TNC: variants seen among roughly 807,000 people sequenced by gnomAD.
TNC encodes tenascin C.
Under a neutral mutation model 202.4 loss-of-function variants are expected in TNC, and 109 were observed. The ratio of observed to expected loss-of-function variants is 0.54; its 90% CI spans 0.46 to 0.63. The LOEUF (loss-of-function observed/expected upper bound fraction) is 0.63. Among genes scored for constraint, TNC ranks in the 30% least tolerant of loss-of-function variants. The pLI is 0.00. For synonymous variants in TNC, 1,007 were observed against 1,089.7 expected (o/e 0.92, Z 1.50); for missense variants, 2,756 against 2,833.3 (o/e 0.97, Z 0.62).
At chr9:115,077,811 T>G (rs546053977) in intron 7 of TNC, 132 bp downstream of exon 7, 8 of 933,982 alleles carry the variant, frequency 8.6e-6, no homozygotes, top group African/African-American at 1.7e-5. Context: ...ATTTTAAAAT[T>G]TACAGGAGTA....
At chr9:115,082,051 C>T in intron 5 of TNC, 123 bp from the exon 6 acceptor site, 1 of 892,404 alleles carries the variant, frequency 1.1e-6, no homozygotes, top group Non-Finnish European at 1.7e-6. Context: ...TAGGCACTTA[C>T]TATGCATCAG....
intron 26 of TNC, among the ~76,000 whole-genome samples, chr9:115,025,025 A>G (rs1255537392): frequency 6.6e-6 from 1 of 152,206 alleles, no homozygotes; most frequent in Non-Finnish European, 1.5e-5. Context: ...GCACGTAGAT[A>G]TTAATGAAAC....
intron 26 of TNC, among the ~76,000 whole-genome samples, chr9:115,025,995 C>CAGCT (rs1829448570): frequency 6.6e-6 from 1 of 152,156 alleles, no homozygotes; most frequent in Non-Finnish European, 1.5e-5. Context: ...GAGATTCAAG[C>CAGCT]AGCTAGGTGA....
intron 10 of TNC, among the ~76,000 whole-genome samples, chr9:115,072,966 TG>T (rs1833570998): frequency 6.6e-6 from 1 of 152,162 alleles, no homozygotes; most frequent in Non-Finnish European, 1.5e-5. Flanking sequence ...ACAGGTTGCA[TG>T]GGCCAGAATG....
chr9:115,038,915 C>T (rs1245211470), intron 19 of TNC, among the ~76,000 whole-genome samples: 1 of 152,086 alleles, frequency 6.6e-6, no homozygotes, highest in East Asian at 1.9e-4. Flanking sequence ...GCAACCTCTG[C>T]CTCCCGGGTT....
chr9:115,041,441 G>A (rs10759752), intron 18 of TNC, among the ~76,000 whole-genome samples: 85,211 of 151,980 alleles, frequency 0.56, 24,396 homozygotes, highest in African/African-American at 0.61. Context: ...TGTAATGTAT[G>A]TCAGATCTAT....
Position 115,091,054 on chromosome 9 carries a change from C to A in TNC, c.-36G>T. ...GGTTTGGCTGGGTGCTGCTGGGGCT[C>A]TAGGGCTCTAGGGTATCTCACTTTC... On this transcript the variant is annotated 5_prime_UTR_variant, in exon 2 of 28. Coordinates refer to ENST00000350763, the MANE Select transcript of TNC (RefSeq NM_002160.4). 2 of 1,540,452 alleles carry A rather than the reference C, an allele frequency of 1.3e-6. No homozygotes were observed. Among genetic ancestry groups the A allele is most frequent in the Non-Finnish European group, 1.8e-6 (2 of 1,128,262 alleles).
intron 1 of TNC, among the ~76,000 whole-genome samples, chr9:115,105,511 C>T (rs1226871155): frequency 6.6e-6 from 1 of 152,128 alleles, no homozygotes; most frequent in Non-Finnish European, 1.5e-5. Context: ...AAATTTAAAT[C>T]AGGTGAACTG....
chr9:115,085,660 G>T (rs925438474), intron 3 of TNC, among the ~76,000 whole-genome samples: 2 of 152,168 alleles, frequency 1.3e-5, no homozygotes, highest in Admixed American at 6.5e-5. Flanking sequence ...GAGCCCTTCA[G>T]CCCTTAAATA....
chr9:115,044,068 A>G (rs756171351), intron 17 of TNC, among the ~76,000 whole-genome samples: 6 of 152,124 alleles, frequency 3.9e-5, no homozygotes, highest in Admixed American at 2.6e-4. Context: ...TGGCTTAACC[A>G]CCAGGCAACA....
At chr9:115,107,967 C>T (rs1391347063) in intron 1 of TNC, among the ~76,000 whole-genome samples, 1 of 152,084 alleles carries the variant, frequency 6.6e-6, no homozygotes, top group Non-Finnish European at 1.5e-5. Flanking sequence ...CCAAGGTGTA[C>T]TGTTTGCAAA....
intron 13 of TNC, among the ~76,000 whole-genome samples, chr9:115,062,272 T>C (rs1832600271): frequency 6.6e-6 from 1 of 152,166 alleles, no homozygotes. Flanking sequence ...ATTGCTGATT[T>C]AAAGATACAA....
intron 1 of TNC, among the ~76,000 whole-genome samples, chr9:115,099,505 G>A (rs1388071950): frequency 6.6e-6 from 1 of 152,196 alleles, no homozygotes; most frequent in African/African-American, 2.4e-5. Context: ...CACTCTTTTA[G>A]GTCAGAAATA....
At chr9:115,097,077 C>A (rs1022126418) in intron 1 of TNC, among the ~76,000 whole-genome samples, 1 of 152,200 alleles carries the variant, frequency 6.6e-6, no homozygotes, top group Non-Finnish European at 1.5e-5. Context: ...CAGTCCATAT[C>A]CTTCAGCCAT....
intron 5 of TNC, among the ~76,000 whole-genome samples, chr9:115,082,446 A>C (rs1027502184): frequency 6.6e-5 from 10 of 152,170 alleles, no homozygotes; most frequent in African/African-American, 1.9e-4. Flanking sequence ...ATGATGGACA[A>C]TTGGAACCTT....
intron 15 of TNC, among the ~76,000 whole-genome samples, chr9:115,053,454 C>T (rs540751690): frequency 3.1e-4 from 47 of 152,318 alleles, no homozygotes; most frequent in African/African-American, 1.1e-3. Flanking sequence ...AATATTATGT[C>T]TTACCATAGA....
At chr9:115,081,257 A>T (rs1038300760) in intron 6 of TNC, among the ~76,000 whole-genome samples, 7 of 152,176 alleles carry the variant, frequency 4.6e-5, no homozygotes, top group African/African-American at 1.4e-4. Flanking sequence ...TAGTGACATG[A>T]TGCTAATTAG....
chr9:115,109,727 A>G (rs1284416250), intron 1 of TNC, among the ~76,000 whole-genome samples: 2 of 152,240 alleles, frequency 1.3e-5, no homozygotes, highest in East Asian at 3.8e-4. Flanking sequence ...AAGCAAACAC[A>G]TTCCTTGAGG....
At chr9:115,064,186 T>G (rs1386245151) in intron 11 of TNC, 118 bp from the exon 12 acceptor site, 2 of 1,024,438 alleles carry the variant, frequency 2.0e-6, no homozygotes, top group Non-Finnish European at 2.8e-6. Context: ...TTTCTTTAGA[T>G]AAACATGCAT....
Sources: allele counts gnomAD v4.1 joint callset (sites outside exome capture counted in the v4.1 genomes callset), GRCh38; gene constraint gnomAD v4.1.1; transcripts MANE v1.5; gene names NCBI Gene and HGNC (gene_info 2026-07-23, HGNC 2026-07-21).